RRP1: variants seen among roughly 807,000 people sequenced by gnomAD.
The protein encoded by RRP1 is ribosomal RNA processing protein 1 homolog A.
A neutral mutation model predicts 54.6 loss-of-function variants in RRP1; 37 were observed. The observed-to-expected ratio is 0.68, with a 90% CI of 0.52 to 0.89. The LOEUF (loss-of-function observed/expected upper bound fraction) is 0.89, where lower values mean the gene tolerates loss of function less well. Ranked by LOEUF, RRP1 falls within the 40% of genes least tolerant of loss-of-function variation. RRP1 has a pLI of 0.00. For synonymous variants in RRP1, 262 were observed against 244.3 expected (o/e 1.07, Z -0.67); for missense variants, 639 against 612.5 (o/e 1.04, Z -0.46).
At chr21:43,797,581 G>T in intron 6 of RRP1, 30 bp downstream of exon 6, 1 of 1,614,014 alleles carries the variant, frequency 6.2e-7, no homozygotes, top group Non-Finnish European at 8.5e-7. Context: ...GGGCGGTGGA[G>T]CTGGGCGTTT....
chr21:43,790,669 C>A, intron 1 of RRP1: 1 of 230,044 alleles, frequency 4.3e-6, no homozygotes, highest in Admixed American at 5.2e-5. Flanking sequence ...CTCACTGCAG[C>A]CTCTACCTCC....
chr21:43,789,777 G>A lies in RRP1; in HGVS notation c.133+15G>A. On this transcript the variant is annotated intron_variant, in intron 1 of 12. Transcript: ENST00000497547. ...GCGGGCCGCAGGTTGGCGGGGGTGTGGGCGGCTGGCGTCTCGGGGGCCGGC... is the reference window on the plus strand; with the variant it reads ...GCGGGCCGCAGGTTGGCGGGGGTGTAGGCGGCTGGCGTCTCGGGGGCCGGC... The A allele has an allele frequency of 2.0e-6, 3 of 1,506,410 alleles. No homozygotes were observed. Among genetic ancestry groups the A allele is most frequent in the Non-Finnish European group, 1.8e-6 (2 of 1,125,600 alleles). 93.3% of individuals were successfully genotyped at this position (1,506,410 alleles called of 1,614,324 possible). A position where few individuals can be genotyped will look rare whatever the true frequency, so the allele number is the denominator to read the frequency against.
intron 12 of RRP1, 104 bp from the exon 13 acceptor site, chr21:43,803,408 G>A: frequency 7.0e-7 from 1 of 1,420,104 alleles, no homozygotes; most frequent in Non-Finnish European, 9.3e-7. Flanking sequence ...TGGCCGTGTT[G>A]TCCTCCCAGG....
chr21:43,793,751 C>T (rs2084985009), intron 4 of RRP1, among the ~76,000 whole-genome samples: 1 of 152,250 alleles, frequency 6.6e-6, no homozygotes, highest in Non-Finnish European at 1.5e-5. Context: ...AGCAGAGGAG[C>T]TGCGGTCACG....
intron 7 of RRP1, 66 bp downstream of exon 7, chr21:43,797,761 T>C (rs1464334508): frequency 1.3e-6 from 2 of 1,591,002 alleles, no homozygotes; most frequent in Admixed American, 1.7e-5. Context: ...GCTGCTGTTG[T>C]GGGGGTGCTG....
chr21:43,796,483 A>G (rs147088028), intron 5 of RRP1, among the ~76,000 whole-genome samples: 87 of 152,218 alleles, frequency 5.7e-4, no homozygotes, highest in African/African-American at 1.8e-3. Context: ...CCTTCCCCCA[A>G]TGCCTGCTGC....
chr21:43,792,196 C>T (rs2084967329), intron 2 of RRP1, among the ~76,000 whole-genome samples: 1 of 152,190 alleles, frequency 6.6e-6, no homozygotes, highest in Admixed American at 6.5e-5. Flanking sequence ...ACTGAATTAT[C>T]AAGGGGAGGC....
In RRP1 at chr21:43,800,591, G is replaced by A. The variant is rs2085077403; in HGVS notation, c.966G>A (p.Lys322=). Residue 322 remains lysine, a synonymous_variant, in exon 10 of 13, where the codon AAG becomes AAA. Transcript: ENST00000497547. ...AGAGCACCCCTTCTCAGAACAGAAA[G>A]CGTCTCTACAAAGTGATCCGGAAGT... ...SRQSTPSQNR[K]RLYKVIRKLQ... 5 of 1,614,268 alleles carry A rather than the reference G, an allele frequency of 3.1e-6. No individual in the cohort carries two copies. Among genetic ancestry groups the A allele is most frequent in the East Asian group, 2.2e-5 (1 of 44,886 alleles).
chr21:43,800,656 A>G (rs1347900976), intron 10 of RRP1, 42 bp downstream of exon 10: 24 of 1,596,614 alleles, frequency 1.5e-5, no homozygotes, highest in East Asian at 2.2e-5. Context: ...CTCCCCTTGG[A>G]GTTGCCCTTT....
intron 6 of RRP1, 28 bp from the exon 7 acceptor site, chr21:43,797,603 A>G (rs2085034975): frequency 6.2e-7 from 1 of 1,614,098 alleles, no homozygotes; most frequent in Non-Finnish European, 8.5e-7. Context: ...TGGAGGAGGA[A>G]CTGAGCTCCC....
intron 2 of RRP1, among the ~76,000 whole-genome samples, chr21:43,791,991 G>T (rs1239366014): frequency 6.6e-6 from 1 of 152,206 alleles, no homozygotes; most frequent in East Asian, 1.9e-4. Flanking sequence ...TTTTGTGTTT[G>T]TCCTGGGTTG....
At chr21:43,793,128 C>A in intron 3 of RRP1, 191 bp from the exon 4 acceptor site, 2 of 599,742 alleles carry the variant, frequency 3.3e-6, no homozygotes, top group Non-Finnish European at 5.9e-6. Flanking sequence ...GTAGGACTCA[C>A]TTGAGGAGCC....
At chr21:43,798,888 T>A (rs1188030248) in intron 8 of RRP1, among the ~76,000 whole-genome samples, 1 of 152,056 alleles carries the variant, frequency 6.6e-6, no homozygotes. Flanking sequence ...CCCCTTGGCT[T>A]CCTAATCAGA....
In RRP1 at chr21:43,798,049, G is replaced by A. The variant is rs201075773; in HGVS notation, c.760G>A (p.Gly254Ser). 490 of 1,614,048 alleles carry A rather than the reference G, an allele frequency of 3.0e-4. 1 individual carries two copies. The Middle Eastern group carries it at 5.4e-3, about 18-fold the overall frequency. The change falls in exon 8 of 13, where the codon GGT becomes AGT. Residue 254 changes from glycine to serine, a missense_variant. Coordinates refer to ENST00000497547, the MANE Select transcript of RRP1 (RefSeq NM_003683.6). ...ASDSDESSEG[G>S]ERGDALSQKR... ...GGACAGTGATGAGTCCTCTGAGGGT[G>A]GTGAGCGTGGAGACGCGCTGTCCCA...
At position 43,792,673 on chromosome 21, in the gene RRP1, A is replaced by T. The variant is rs771995948; in HGVS notation, c.218A>T (p.Glu73Val). ...GCGTTTTTGTTGTTTCCTACACAGGAAGAATTAGGAAGGACTATTTCCCAG... is the reference window on the plus strand; with the variant it reads ...GCGTTTTTGTTGTTTCCTACACAGGTAGAATTAGGAAGGACTATTTCCCAG... ...MWMQDKPLLQEELGRTISQLV... is the reference protein window; with the variant it reads ...MWMQDKPLLQVELGRTISQLV... The change falls in exon 3 of 13, where the codon GAA (glutamate) becomes GTA (valine). Residue 73 changes from glutamate (E) to valine (V), a missense_variant and splice_region_variant. Transcript: ENST00000497547. 3 of 1,613,938 alleles carry T rather than the reference A, an allele frequency of 1.9e-6. No individual in the cohort carries two copies. Among genetic ancestry groups the T allele is most frequent in the Non-Finnish European group, 2.5e-6 (3 of 1,179,954 alleles).
At chr21:43,791,277 G>A (rs1212427129) in intron 1 of RRP1, 73 bp from the exon 2 acceptor site, 33 of 1,519,666 alleles carry the variant, frequency 2.2e-5, no homozygotes, top group South Asian at 4.5e-5. Flanking sequence ...AGGCAGTCAC[G>A]TTTCTGTGGC....
Position 43,804,111 on chromosome 21 carries a change from G to A in RRP1, c.*337G>A, listed in dbSNP as rs1265678036. On this transcript the variant is annotated 3_prime_UTR_variant, in exon 13 of 13. Transcript: ENST00000497547. This position sits in a 1 kb window ranked among gnomAD's most constrained non-coding sequence, Gnocchi z 4.3. ...CGCAGCCCTTGCCAGGGGAAGTGTC[G>A]CTTCAGGTGTGTCCTACGGACGTGT... 6.8e-6 allele frequency: 2 copies of A among 295,362 alleles called. No individual in the cohort carries two copies. The highest frequency in any genetic ancestry group is 1.3e-5 in the Non-Finnish European group (2 of 159,230). The allele number at this position is 295,362 out of a possible 1,614,324, so 18.3% of individuals were successfully genotyped here. A position where few individuals can be genotyped will look rare whatever the true frequency, so the allele number is the denominator to read the frequency against.
chr21:43,802,229 G>T, intron 11 of RRP1, 45 bp from the exon 12 acceptor site: 1 of 1,446,732 alleles, frequency 6.9e-7, no homozygotes, highest in Non-Finnish European at 9.7e-7. Context: ...CAAACCATAA[G>T]TCCCCAGCCC....
At chr21:43,801,632 C>T (rs766646473) in intron 11 of RRP1, among the ~76,000 whole-genome samples, 72 of 152,296 alleles carry the variant, frequency 4.7e-4, no homozygotes, top group Middle Eastern at 6.8e-3. Context: ...GCCACCACGC[C>T]GGCTAATTGT....
Sources: gnomAD v4.1 joint callset for allele counts (sites outside exome capture counted in the v4.1 genomes callset) on GRCh38, gnomAD v4.1.1 for gene constraint, Gnocchi (gnomAD v3.1) non-coding constraint, MANE v1.5 for transcripts, NCBI Gene and HGNC (gene_info 2026-07-23, HGNC 2026-07-21) for gene names.